EYA1: variants seen among roughly 807,000 people sequenced by gnomAD.
The protein encoded by EYA1 is protein phosphatase EYA1.
Under a neutral mutation model 82.0 loss-of-function variants are expected in EYA1, and 16 were observed. That is an observed-to-expected ratio of 0.20 (90% CI 0.13 to 0.30). The LOEUF is 0.30. Ranked by LOEUF, EYA1 falls within the 10% of genes least tolerant of loss-of-function variation. The pLI is 1.00. For synonymous variants in EYA1, 261 were observed against 264.4 expected (o/e 0.99, Z 0.12); for missense variants, 633 against 730.7 (o/e 0.87, Z 1.54).
chr8:71,420,031 C>A (rs962438166), intron 2 of EYA1, among the ~76,000 whole-genome samples: 1 of 152,058 alleles, frequency 6.6e-6, no homozygotes. Flanking sequence ...ATAAATTGCA[C>A]CTTCCTTGAA....
At chr8:71,474,391 T>G (rs937633562) in intron 2 of EYA1, among the ~76,000 whole-genome samples, 1 of 151,774 alleles carries the variant, frequency 6.6e-6, no homozygotes, top group African/African-American at 2.4e-5. Flanking sequence ...CCAAGAGAAA[T>G]AGCAGAGGGC....
chr8:71,520,838 T>G (rs1813344182), intron 2 of EYA1, among the ~76,000 whole-genome samples: 1 of 152,152 alleles, frequency 6.6e-6, no homozygotes, highest in Non-Finnish European at 1.5e-5. Flanking sequence ...TAACCTAAAA[T>G]GCAGTATTCT....
chr8:71,281,330 G>A (rs774127108), intron 9 of EYA1, among the ~76,000 whole-genome samples: 2 of 152,176 alleles, frequency 1.3e-5, no homozygotes, highest in African/African-American at 2.4e-5. Flanking sequence ...AGCTCCCTCT[G>A]TCCCACCATT....
intron 2 of EYA1, among the ~76,000 whole-genome samples, chr8:71,369,221 A>C (rs1827949869): frequency 1.3e-5 from 2 of 151,814 alleles, no homozygotes; most frequent in South Asian, 2.1e-4. Context: ...AAAAAAAAAA[A>C]AACTTCTTAA....
intron 2 of EYA1, among the ~76,000 whole-genome samples, chr8:71,488,945 T>A (rs1246328220): frequency 6.6e-6 from 1 of 152,256 alleles, no homozygotes; most frequent in Non-Finnish European, 1.5e-5. Context: ...CTGTTTTATG[T>A]TGAGGGCTTT....
chr8:71,434,851 A>AGT (rs1805886814), intron 2 of EYA1, among the ~76,000 whole-genome samples: 1 of 152,136 alleles, frequency 6.6e-6, no homozygotes, highest in Non-Finnish European at 1.5e-5. Context: ...TACGGGAGGG[A>AGT]ATACAAGTTT....
intron 2 of EYA1, among the ~76,000 whole-genome samples, chr8:71,396,647 T>C (rs13256264): frequency 0.5 from 75,612 of 152,054 alleles, 19,684 homozygotes; most frequent in Middle Eastern, 0.61. Context: ...TGCACTGTGG[T>C]CTGTGAGACA....
intron 1 of EYA1, among the ~76,000 whole-genome samples, chr8:71,545,974 T>C (rs1815534400): frequency 6.6e-6 from 1 of 152,160 alleles, no homozygotes; most frequent in Admixed American, 6.5e-5. Context: ...ACAGGTCTAA[T>C]TTAGTTTCAT....
At chr8:71,319,203 TC>T (rs1473104455) in intron 6 of EYA1, among the ~76,000 whole-genome samples, 2 of 151,912 alleles carry the variant, frequency 1.3e-5, no homozygotes, top group East Asian at 3.9e-4. Flanking sequence ...CAATCTCAGC[TC>T]ACTGCAAGCT....
chr8:71,371,743 T>C (rs1012269108), intron 2 of EYA1, among the ~76,000 whole-genome samples: 2 of 151,700 alleles, frequency 1.3e-5, no homozygotes, highest in African/African-American at 4.8e-5. Context: ...AACAGAGAAA[T>C]AAGAGAAGAT....
chr8:71,401,266 G>T (rs568832638), intron 2 of EYA1, among the ~76,000 whole-genome samples: 6 of 152,172 alleles, frequency 3.9e-5, no homozygotes, highest in Non-Finnish European at 8.8e-5. Flanking sequence ...TGCATGTCCT[G>T]CACATGTATC....
intron 2 of EYA1, among the ~76,000 whole-genome samples, chr8:71,460,600 G>T (rs1383917114): frequency 6.6e-6 from 1 of 152,178 alleles, no homozygotes; most frequent in Admixed American, 6.5e-5. Context: ...GCTGGGAAGT[G>T]GTGGGAAGGA....
At chr8:71,216,532 AT>A (rs1809222409) in intron 14 of EYA1, among the ~76,000 whole-genome samples, 159 bp downstream of exon 14, 1 of 152,188 alleles carries the variant, frequency 6.6e-6, no homozygotes, top group Non-Finnish European at 1.5e-5. Context: ...CCAGTGCAAT[AT>A]TTCTGTCACT....
chr8:71,292,441 A>G (rs994783274), intron 9 of EYA1, among the ~76,000 whole-genome samples: 4 of 152,106 alleles, frequency 2.6e-5, no homozygotes, highest in African/African-American at 9.6e-5. Context: ...ACTGTCTTAC[A>G]GTCTTTGATT....
intron 2 of EYA1, among the ~76,000 whole-genome samples, chr8:71,474,403 A>G (rs990568972): frequency 3.3e-5 from 5 of 152,098 alleles, no homozygotes; most frequent in Admixed American, 2.0e-4. Flanking sequence ...GCAGAGGGCT[A>G]TACATTTTAA....
intron 11 of EYA1, among the ~76,000 whole-genome samples, chr8:71,245,243 T>G (rs1812937637): frequency 1.3e-5 from 2 of 152,152 alleles, no homozygotes; most frequent in Non-Finnish European, 2.9e-5. Context: ...TTTTTTTTTT[T>G]TGAGACAGAG....
chr8:71,428,139 A>G (rs1805368991), intron 2 of EYA1, among the ~76,000 whole-genome samples: 1 of 152,154 alleles, frequency 6.6e-6, no homozygotes, highest in Non-Finnish European at 1.5e-5. Context: ...AGGAGAAAGT[A>G]TTACTGATTG....
chr8:71,543,309 G>A (rs1357208468), intron 1 of EYA1, among the ~76,000 whole-genome samples: 2 of 152,166 alleles, frequency 1.3e-5, no homozygotes, highest in African/African-American at 2.4e-5. Flanking sequence ...GGGGGGTGAT[G>A]AACTGCAGAG....
chr8:71,434,730 G>C (rs567462742), intron 2 of EYA1, among the ~76,000 whole-genome samples: 56 of 152,104 alleles, frequency 3.7e-4, no homozygotes, highest in Non-Finnish European at 7.4e-4. Context: ...GTTAGGGATA[G>C]ATGATTCAAA....
Sources: gnomAD v4.1 joint callset for allele counts (sites outside exome capture counted in the v4.1 genomes callset) on GRCh38, gnomAD v4.1.1 for gene constraint, MANE v1.5 for transcripts, NCBI Gene and HGNC (gene_info 2026-07-23, HGNC 2026-07-21) for gene names.